The following IL7 variants were observed in gnomAD, a reference collection of about 807,000 sequenced individuals.
IL7 encodes the protein interleukin-7.
A neutral mutation model predicts 21.6 loss-of-function variants in IL7; 3 were observed. The observed-to-expected ratio is 0.14, with a 90% CI of 0.06 to 0.36. IL7 has a LOEUF of 0.36. Among genes scored for constraint, IL7 ranks in the 10% least tolerant of loss-of-function variants. The probability of loss-of-function intolerance (pLI) is 1.00; values close to 1 mark genes in which losing one functional copy is unlikely to be tolerated. For missense variants in IL7, 175 were observed against 200.2 expected (o/e 0.87, Z 0.76); for synonymous variants, 62 against 68.1 (o/e 0.91, Z 0.44).
At chr8:78,797,966 A>T in intron 2 of IL7, 106 bp downstream of exon 2, 1 of 811,974 alleles carries the variant, frequency 1.2e-6, no homozygotes, top group Non-Finnish European at 1.9e-6. Context: ...TAGTTACTTC[A>T]CTTTCTTGTC....
chr8:78,788,986 C>T (rs1327013454), intron 2 of IL7, among the ~76,000 whole-genome samples: 1 of 152,128 alleles, frequency 6.6e-6, no homozygotes, highest in African/African-American at 2.4e-5. Context: ...TCTTTATATC[C>T]ATGATAGTCC....
intron 4 of IL7, among the ~76,000 whole-genome samples, chr8:78,680,285 T>TC (rs1180177105): frequency 8.2e-5 from 2 of 24,340 alleles, no homozygotes; most frequent in African/African-American, 3.3e-4. Context: ...AGACTCCGTC[T>TC]CAAAAAAAAA....
chr8:78,695,646 CTT>C (rs1563631331), intron 3 of IL7, among the ~76,000 whole-genome samples: 1 of 152,034 alleles, frequency 6.6e-6, no homozygotes, highest in Non-Finnish European at 1.5e-5. Flanking sequence ...TAATGTCTGT[CTT>C]TCTCTCTCTA....
At chr8:78,791,952 A>G (rs1424014794) in intron 2 of IL7, among the ~76,000 whole-genome samples, 4 of 152,188 alleles carry the variant, frequency 2.6e-5, no homozygotes, top group Non-Finnish European at 5.9e-5. Context: ...AAAGGTAGTC[A>G]ATCCATAAAA....
rs1364871783 is a variant in IL7, at chr8:78,736,359, T to C, written c.414+115A>G. 2.5e-5 allele frequency: 15 copies of C among 596,794 alleles called. No individual in the cohort carries two copies. The East Asian group carries it at 3.1e-4, about 12-fold the overall frequency. The allele number at this position is 596,794 out of a possible 1,614,324, so 37.0% of individuals were successfully genotyped here. On this transcript the variant is annotated intron_variant, in intron 5 of 5. Transcript: ENST00000263851. The stretch of plus-strand genomic sequence containing the variant: ...CTCGCTTCTCCTTTTATCAATGTTA[T>C]AATAAATTATTTCAAAACCAGCTAT...
chr8:78,755,363 A>G (rs1812313964), intron 2 of IL7, among the ~76,000 whole-genome samples: 1 of 152,000 alleles, frequency 6.6e-6, no homozygotes, highest in South Asian at 2.1e-4. Context: ...TTCTGTGAAA[A>G]ATGTCATTGG....
intron 3 of IL7, among the ~76,000 whole-genome samples, chr8:78,702,457 C>G (rs747344571): frequency 2.0e-5 from 3 of 151,988 alleles, no homozygotes; most frequent in East Asian, 1.9e-4. Flanking sequence ...TTTCATGTAT[C>G]TTCTTCAGTT....
chr8:78,774,008 G>T (rs1039102614), intron 2 of IL7, among the ~76,000 whole-genome samples: 9 of 151,960 alleles, frequency 5.9e-5, no homozygotes, highest in African/African-American at 1.9e-4. Context: ...GAACGCCACT[G>T]TGAAAAAAAT....
rs1040690166 is a variant in IL7 at position 78,732,838 on chromosome 8, G to A, written c.*875C>T. 18 of 151,994 alleles carry A rather than the reference G, an allele frequency of 1.2e-4. No homozygotes were observed. Among genetic ancestry groups the A allele is most frequent in the Non-Finnish European group, 2.1e-4 (14 of 67,988 alleles). The allele number at this position is 151,994 out of a possible 1,614,324, so 9.4% of individuals were successfully genotyped here. On this transcript the variant is annotated 3_prime_UTR_variant, in exon 6 of 6. Transcript: ENST00000263851. ...TCCAAAGTAAGCAATTTGTAATGCTGTATGAAAATATTTTATATACAGATA... is the reference window on the plus strand; with the variant it reads ...TCCAAAGTAAGCAATTTGTAATGCTATATGAAAATATTTTATATACAGATA...
chr8:78,690,622 C>T (rs1335928650), intron 3 of IL7, among the ~76,000 whole-genome samples: 2 of 151,290 alleles, frequency 1.3e-5, no homozygotes, highest in Admixed American at 6.6e-5. Context: ...TTATAATTGA[C>T]TTGTCAACAT....
At chr8:78,752,244 A>G (rs534167793) in intron 2 of IL7, among the ~76,000 whole-genome samples, 2 of 152,358 alleles carry the variant, frequency 1.3e-5, no homozygotes, top group Admixed American at 6.5e-5. Flanking sequence ...ATTAAGTTAC[A>G]GGTGTCCCTT....
In IL7 at chr8:78,748,255, G is replaced by C. The variant is rs74477368; in HGVS notation, c.148-8173C>G. ...ACTTTTTTCAATGGTCATATTAACAGCCATATGCCAGATGGTTTGGAGAGA... is the reference window on the plus strand; with the variant it reads ...ACTTTTTTCAATGGTCATATTAACACCCATATGCCAGATGGTTTGGAGAGA... On this transcript the variant is annotated intron_variant, in intron 2 of 5. Transcript: ENST00000263851. 8.0e-4 allele frequency among the ~76,000 whole-genome samples: 122 copies of C among 152,288 alleles called. No individual in the cohort carries two copies. The East Asian group carries it at 0.021, about 26-fold the overall frequency.
chr8:78,708,948 G>A (rs1810870617), intron 3 of IL7, among the ~76,000 whole-genome samples: 1 of 152,078 alleles, frequency 6.6e-6, no homozygotes. Flanking sequence ...TTACAGGCAT[G>A]AGCCACCACG....
rs141497872 is a variant in IL7, at chr8:78,689,315, G to C, written n.215-3368C>G. 45 of 1,604,050 alleles carry C rather than the reference G, an allele frequency of 2.8e-5. No homozygotes were observed. In the African/African-American group the frequency reaches 5.2e-4, roughly 19 times the overall value. ...TGTAAAGAACAGGCAGCACGTATTAGTAATAAAGGGAAATTTTCTACAGAT... is the reference window on the plus strand; with the variant it reads ...TGTAAAGAACAGGCAGCACGTATTACTAATAAAGGGAAATTTTCTACAGAT... On this transcript the variant is annotated intron_variant and non_coding_transcript_variant, in intron 3 of 4. Coordinates refer to the IL7 transcript ENST00000523959.
intron 2 of IL7, among the ~76,000 whole-genome samples, chr8:78,790,570 G>A (rs934359312): frequency 3.9e-5 from 6 of 152,076 alleles, no homozygotes; most frequent in African/African-American, 1.4e-4. Flanking sequence ...ATACAAAGAT[G>A]ACTCAAACAT....
At chr8:78,732,407 C>T (rs1811443330), downstream of IL7, among the ~76,000 whole-genome samples, 1 of 152,060 alleles carries the variant, frequency 6.6e-6, no homozygotes, top group Non-Finnish European at 1.5e-5. Context: ...CTGAGGGTGT[C>T]ACCAGAGCAT....
Position 78,686,439 on chromosome 8 carries a change from A to G in IL7, n.215-492T>C, listed in dbSNP as rs751493229. ...CTAAAAAGATACTGTTTGTTTATTT[A>G]TTTATTTATTTATTTATTTATTTAT... On this transcript the variant is annotated intron_variant and non_coding_transcript_variant, in intron 3 of 4. Coordinates refer to the IL7 transcript ENST00000523959. 552 of 1,138,704 alleles carry G rather than the reference A, an allele frequency of 4.8e-4. 5 individuals are homozygous for G. In the African/African-American group the frequency reaches 5.9e-3, roughly 12 times the overall value. 70.5% of individuals were successfully genotyped at this position (1,138,704 alleles called of 1,614,324 possible).
intron 2 of IL7, among the ~76,000 whole-genome samples, chr8:78,758,887 C>T (rs1250412885): frequency 6.6e-6 from 1 of 151,976 alleles, no homozygotes; most frequent in Non-Finnish European, 1.5e-5. Context: ...ATCTAGATGT[C>T]TATATCCTTC....
Position 78,686,643 on chromosome 8 carries a change from G to A in IL7, n.215-696C>T, listed in dbSNP as rs544378385. ...ATATTGTTGACAGAAATGTTCATGTGGAAAGAAAATAATGATAGAGTTTTT... is the reference window on the plus strand; with the variant it reads ...ATATTGTTGACAGAAATGTTCATGTAGAAAGAAAATAATGATAGAGTTTTT... On this transcript the variant is annotated intron_variant and non_coding_transcript_variant, in intron 3 of 4. Coordinates refer to the IL7 transcript ENST00000523959. 8 of 1,426,370 alleles carry A rather than the reference G, an allele frequency of 5.6e-6. 1 individual carries two copies. In the South Asian group the frequency reaches 1.4e-4, roughly 25 times the overall value. The allele number at this position is 1,426,370 out of a possible 1,614,324, so 88.4% of individuals were successfully genotyped here. A position where few individuals can be genotyped will look rare whatever the true frequency, so the allele number is the denominator to read the frequency against.
Sources: allele counts gnomAD v4.1 joint callset (sites outside exome capture counted in the v4.1 genomes callset), GRCh38; gene constraint gnomAD v4.1.1; transcripts MANE v1.5; gene names NCBI Gene and HGNC (gene_info 2026-07-23, HGNC 2026-07-21).